EXOSC1: variants seen among roughly 807,000 people sequenced by gnomAD.
EXOSC1 encodes exosome component 1, also known as exosome complex component CSL4.
A neutral mutation model predicts 31.4 loss-of-function variants in EXOSC1; 27 were observed. That is an observed-to-expected ratio of 0.86 (90% CI 0.63 to 1.18). The LOEUF (loss-of-function observed/expected upper bound fraction) is 1.18, where lower values mean the gene tolerates loss of function less well. EXOSC1 is among the 50% of genes most tolerant of loss of function. EXOSC1 has a pLI of 0.00. For missense variants in EXOSC1, 228 were observed against 250.3 expected (o/e 0.91, Z 0.60); for synonymous variants, 84 against 89.5 (o/e 0.94, Z 0.35).
At chr10:97,442,069 C>T (rs939515258) in intron 3 of EXOSC1, among the ~76,000 whole-genome samples, 4 of 150,744 alleles carry the variant, frequency 2.7e-5, no homozygotes, top group Non-Finnish European at 4.4e-5. Context: ...CCCAGCTACT[C>T]GGGAGGCAGA....
intron 4 of EXOSC1, among the ~76,000 whole-genome samples, chr10:97,440,031 G>A (rs1482522148): frequency 1.4e-5 from 2 of 144,964 alleles, no homozygotes; most frequent in African/African-American, 2.6e-5. Flanking sequence ...GGAGTACAAT[G>A]GCACGATCTT....
intron 2 of EXOSC1, among the ~76,000 whole-genome samples, chr10:97,443,591 C>T (rs11189223): frequency 0.3 from 45,783 of 151,908 alleles, 7,110 homozygotes; most frequent in East Asian, 0.47. Flanking sequence ...GGCACGATCT[C>T]GGCTCACTGC....
At chr10:97,445,624 T>C (rs1842866423) in intron 2 of EXOSC1, 108 bp downstream of exon 2, 9 of 950,818 alleles carry the variant, frequency 9.5e-6, no homozygotes, top group Non-Finnish European at 9.5e-6. Context: ...ACCAACATTG[T>C]ACCACTGAGG....
chr10:97,445,909 T>A, intron 1 of EXOSC1, 46 bp downstream of exon 1: 1 of 1,613,820 alleles, frequency 6.2e-7, no homozygotes, highest in East Asian at 2.2e-5. Context: ...TTAGCCTTCT[T>A]GCTTCAGCCC....
At position 97,442,615 on chromosome 10, in the gene EXOSC1, C is replaced by T. The variant is rs113863805; in HGVS notation, c.222+622G>A. On this transcript the variant is annotated intron_variant, in intron 3 of 7. Coordinates refer to ENST00000370902, the MANE Select transcript of EXOSC1 (RefSeq NM_016046.5). ...CCTCAACCCCCTGGGCCCAAGCGATCTTCCTGCTTCAGCCTCCCAAGTAGT... is the reference window on the plus strand; with the variant it reads ...CCTCAACCCCCTGGGCCCAAGCGATTTTCCTGCTTCAGCCTCCCAAGTAGT... 3.9e-4 allele frequency among the ~76,000 whole-genome samples: 59 copies of T among 152,306 alleles called. 1 individual carries two copies. Among genetic ancestry groups the T allele is most frequent in the Admixed American group, 1.3e-3 (20 of 15,304 alleles).
At chr10:97,439,850 T>C (rs1026050226) in intron 4 of EXOSC1, among the ~76,000 whole-genome samples, 3 of 152,308 alleles carry the variant, frequency 2.0e-5, no homozygotes, top group African/African-American at 7.2e-5. Flanking sequence ...CAAGAAATGT[T>C]TGTCCTTTCT....
At chr10:97,437,548 A>G in intron 6 of EXOSC1, 152 bp downstream of exon 6, 1 of 712,254 alleles carries the variant, frequency 1.4e-6, no homozygotes, top group African/African-American at 1.8e-5. Flanking sequence ...GGGTTTCACC[A>G]TGTTGTCCAG....
chr10:97,444,264 A>G (rs1424127224), intron 2 of EXOSC1: 1 of 152,226 alleles, frequency 6.6e-6, no homozygotes, highest in African/African-American at 2.4e-5. Context: ...GGCTGTTGGT[A>G]TAAGACAGAT....
intron 2 of EXOSC1, 71 bp from the exon 3 acceptor site, chr10:97,443,382 G>T: frequency 1.5e-6 from 2 of 1,314,080 alleles, no homozygotes; most frequent in African/African-American, 1.5e-5. Context: ...TGGCTTGAGA[G>T]TAATATAGGA....
At chr10:97,444,753 C>T (rs1845850060) in intron 2 of EXOSC1, 2 of 152,236 alleles carry the variant, frequency 1.3e-5, no homozygotes, top group African/African-American at 2.4e-5. Context: ...AAGTTACTTA[C>T]TCAAAGCAGA....
chr10:97,444,244 G>T (rs1485139463), intron 2 of EXOSC1: 2 of 152,150 alleles, frequency 1.3e-5, no homozygotes, highest in Non-Finnish European at 2.9e-5. Flanking sequence ...TTCTCTTTGA[G>T]CATGGTATTG....
chr10:97,442,694 CT>C (rs922722871), intron 3 of EXOSC1, among the ~76,000 whole-genome samples: 1 of 151,074 alleles, frequency 6.6e-6, no homozygotes, highest in Admixed American at 6.6e-5. Flanking sequence ...TCTTCTTCTT[CT>C]TTTTTTTTGA....
rs758399895 is a variant in EXOSC1 at position 97,443,320 on chromosome 10, G to A, written c.148-9C>T. 3.7e-6 allele frequency: 6 copies of A among 1,611,958 alleles called. No individual in the cohort carries two copies. Among genetic ancestry groups the A allele is most frequent in the Non-Finnish European group, 5.1e-6 (6 of 1,179,316 alleles). ...ACAGACACCACTGGAAGCTACAGAG[G>A]GAACAACAAAAAACTGAAATGTCCT... On this transcript the variant is annotated splice_polypyrimidine_tract_variant and intron_variant, in intron 2 of 7. Coordinates refer to ENST00000370902, the MANE Select transcript of EXOSC1 (RefSeq NM_016046.5).
intron 3 of EXOSC1, 138 bp from the exon 4 acceptor site, chr10:97,441,397 T>C (rs1003028043): frequency 2.2e-5 from 14 of 623,090 alleles, no homozygotes; most frequent in African/African-American, 2.2e-4. Flanking sequence ...TAACTCCTAC[T>C]TCTCTCTGCG....
At chr10:97,439,970 C>CTTT (rs957127403) in intron 4 of EXOSC1, among the ~76,000 whole-genome samples, 1 of 139,650 alleles carries the variant, frequency 7.2e-6, no homozygotes. Flanking sequence ...ATGCCTTCTA[C>CTTT]TTTTTTTTTT....
At position 97,445,965 on chromosome 10, in the gene EXOSC1, G is replaced by A. The variant is rs756620683; in HGVS notation, c.21C>T (p.Tyr7=). The A allele has an allele frequency of 3.1e-6, 5 of 1,614,126 alleles. No individual in the cohort carries two copies. The African/African-American group carries it at 4.0e-5, about 13-fold the overall frequency. ...GAAGCGCTCACTTACCGGGGATGCA[G>A]TATCTCACAGGTGGCGCCATGATTG... MAPPVR[Y]CIPGERLCNL... is the part of the protein sequence containing the mutation. The change falls in exon 1 of 8, where the codon TAC becomes TAT. Residue 7 remains tyrosine, a synonymous_variant. Transcript: ENST00000370902.
At chr10:97,445,254 G>A (rs1482261528) in intron 2 of EXOSC1, 1 of 159,096 alleles carries the variant, frequency 6.3e-6, no homozygotes, top group Non-Finnish European at 1.4e-5. Context: ...AGGCTCTGTA[G>A]CAGGAGAAAG....
rs781500164 is a variant in EXOSC1, at chr10:97,438,737, C to T, written c.312-34G>A. 1.5e-5 allele frequency: 22 copies of T among 1,446,920 alleles called. No individual in the cohort carries two copies. In the South Asian group the frequency reaches 2.4e-4, roughly 16 times the overall value. The allele number at this position is 1,446,920 out of a possible 1,614,324, so 89.6% of individuals were successfully genotyped here. ...AAAGAATTAACAGAAAGATTAATTA[C>T]CTGTGAGAAAGAATTTTTTTTTTTT... On this transcript the variant is annotated intron_variant, in intron 4 of 7. Transcript: ENST00000370902.
intron 3 of EXOSC1, among the ~76,000 whole-genome samples, chr10:97,442,406 C>G (rs1200634815): frequency 6.6e-6 from 1 of 152,176 alleles, no homozygotes; most frequent in African/African-American, 2.4e-5. Context: ...CCTGCACAGT[C>G]CAGTAAAACT....
Sources: gnomAD v4.1 joint callset for allele counts (sites outside exome capture counted in the v4.1 genomes callset) on GRCh38, gnomAD v4.1.1 for gene constraint, MANE v1.5 for transcripts, NCBI Gene and HGNC (gene_info 2026-07-23, HGNC 2026-07-21) for gene names.